The following NEO1 variants were observed in gnomAD, a reference collection of about 807,000 sequenced individuals.
NEO1 encodes the protein neogenin 1.
In NEO1, 63 loss-of-function variants were observed where a neutral mutation model predicts 159.7. That is an observed-to-expected ratio of 0.39 (90% confidence interval 0.32 to 0.49). The LOEUF (loss-of-function observed/expected upper bound fraction) is 0.49, where lower values mean the gene tolerates loss of function less well. Among genes scored for constraint, NEO1 ranks in the 20% least tolerant of loss-of-function variants. The pLI is 0.85. For missense variants in NEO1, 1,615 were observed against 1,831.0 expected, an observed-to-expected ratio of 0.88 and a Z score of 2.15; for synonymous variants, 633 against 662.0, an observed-to-expected ratio of 0.96 and a Z score of 0.67.
At position 73,249,689 on chromosome 15, in the gene NEO1, C is replaced by T; in HGVS notation, c.1862C>T (p.Thr621Ile). Residue 621 changes from threonine (T) to isoleucine (I), a missense_variant, in exon 11 of 29, where the codon ACA (threonine) becomes ATA (isoleucine). Thr to Ile is a moderately conservative substitution (Grantham distance 89). Around this residue, in one of 3 missense-constraint regions of NEO1, gnomAD observed 1,018 missense variants for 1,115.4 expected, o/e 0.91. Transcript: ENST00000261908. ...AATAAACATGGTCCTGGAGTTTCCA[C>T]ACCAGATGTTGCTGTTCGAACATTG... is the stretch of plus-strand genomic sequence containing the variant. Reference protein sequence around the residue: ...AYNKHGPGVSTPDVAVRTLSD... With the variant: ...AYNKHGPGVSIPDVAVRTLSD... 1 of 1,612,998 alleles carries T rather than the reference C, an allele frequency of 6.2e-7. No homozygotes were observed. Among genetic ancestry groups the T allele is most frequent in the Non-Finnish European group, 8.5e-7 (1 of 1,179,714 alleles).
chr15:73,245,592 T>G (rs1272058432), intron 9 of NEO1, among the ~76,000 whole-genome samples: 6 of 151,648 alleles, frequency 4.0e-5, no homozygotes, highest in Non-Finnish European at 7.4e-5. Flanking sequence ...TTTTTTTTTT[T>G]GAGGCGGAGT....
chr15:73,232,549 C>T (rs1048043665), intron 7 of NEO1, among the ~76,000 whole-genome samples: 1 of 152,228 alleles, frequency 6.6e-6, no homozygotes, highest in African/African-American at 2.4e-5. Flanking sequence ...AACACACACA[C>T]ACAGGTTTCA....
intron 11 of NEO1, among the ~76,000 whole-genome samples, chr15:73,251,272 A>C (rs546792151): frequency 6.6e-6 from 1 of 152,216 alleles, no homozygotes; most frequent in East Asian, 1.9e-4. Flanking sequence ...GCACTTTGGG[A>C]GGCCAAGTCG....
At chr15:73,267,873 C>G (rs1225880224) in intron 16 of NEO1, among the ~76,000 whole-genome samples, 2 of 152,170 alleles carry the variant, frequency 1.3e-5, no homozygotes, top group Non-Finnish European at 2.9e-5. Flanking sequence ...AATTTATTTT[C>G]GGAAATGTTC....
At chr15:73,141,712 T>C (rs1299042655) in intron 5 of NEO1, among the ~76,000 whole-genome samples, 1 of 152,238 alleles carries the variant, frequency 6.6e-6, no homozygotes, top group Non-Finnish European at 1.5e-5. Context: ...ACTCTTCTGC[T>C]CTACTCTTAT....
chr15:73,057,871 TTTAA>T (rs2067786847), intron 1 of NEO1, among the ~76,000 whole-genome samples: 1 of 152,192 alleles, frequency 6.6e-6, no homozygotes, highest in Non-Finnish European at 1.5e-5. Flanking sequence ...TAAAAACTTA[TTTAA>T]AAATACATAA....
chr15:73,114,522 G>A (rs973362778), intron 1 of NEO1, among the ~76,000 whole-genome samples: 2 of 152,134 alleles, frequency 1.3e-5, no homozygotes, highest in African/African-American at 4.8e-5. Flanking sequence ...TCCTTTGAGT[G>A]TAATTCACTC....
At chr15:73,087,260 A>G (rs954202606) in intron 1 of NEO1, among the ~76,000 whole-genome samples, 1 of 152,220 alleles carries the variant, frequency 6.6e-6, no homozygotes, top group South Asian at 2.1e-4. Flanking sequence ...TGATAAGATC[A>G]TGTGGTTTTC....
At position 73,303,781 on chromosome 15, in the gene NEO1, GC is replaced by G. The variant is rs2042700218; in HGVS notation, c.*1087del. On this transcript the variant is annotated 3_prime_UTR_variant, in exon 29 of 29. Coordinates refer to ENST00000261908, the MANE Select transcript of NEO1 (RefSeq NM_002499.4). ...GGAGCCAGATGTTGTATTTCTAACT[GC>G]CTGAGTCACACAGAATAGGGTAAGA... 1 of 152,212 alleles carries G rather than the reference GC, an allele frequency of 6.6e-6. No homozygotes were observed. The highest frequency in any genetic ancestry group is 6.5e-5 in the Admixed American group (1 of 15,278). The allele number at this position is 152,212 out of a possible 1,614,324, so 9.4% of individuals were successfully genotyped here. A position where few individuals can be genotyped will look rare whatever the true frequency, so the allele number is the denominator to read the frequency against.
At position 73,254,716 on chromosome 15, in the gene NEO1, C is replaced by G. The variant is rs2040252372; in HGVS notation, c.1979C>G (p.Ala660Gly). The G allele has an allele frequency of 6.2e-7, 1 of 1,613,842 alleles. No individual in the cohort carries two copies. The highest frequency in any genetic ancestry group is 8.5e-7 in the Non-Finnish European group (1 of 1,179,892). Reference protein sequence around the residue: ...IMIHWQPPAPATQNGQITGYK... With the variant: ...IMIHWQPPAPGTQNGQITGYK... ...ATTCACTGGCAGCCACCTGCTCCAG[C>G]CACACAAAATGGGCAGATTACTGGC... Residue 660 changes from alanine to glycine, a missense_variant, in exon 13 of 29, where the codon GCC (alanine) becomes GGC (glycine). By Grantham distance (60) the Ala-to-Gly change is moderately conservative. Around this residue, in one of 3 missense-constraint regions of NEO1, gnomAD observed 1,018 missense variants for 1,115.4 expected, o/e 0.91. Transcript: ENST00000261908.
rs1200094451 is a variant in NEO1 at position 73,175,988 on chromosome 15, TCTTA to T, written c.1016-410_1016-407del. ...GTTTATTTTACTTTGTTGTTGTTGTTCTTACTTATCAAGCTGACTGAAAAGGAAA... is the reference window on the plus strand; with the variant it reads ...GTTTATTTTACTTTGTTGTTGTTGTTCTTATCAAGCTGACTGAAAAGGAAA... On this transcript the variant is annotated intron_variant, in intron 5 of 28. Transcript: ENST00000261908. Among the ~76,000 whole-genome samples, 4 of 152,178 alleles carry T rather than the reference TCTTA, an allele frequency of 2.6e-5. No homozygotes were observed. The East Asian group carries it at 7.7e-4, about 29-fold the overall frequency.
At chr15:73,167,342 C>A (rs1460581936) in intron 5 of NEO1, among the ~76,000 whole-genome samples, 1 of 151,386 alleles carries the variant, frequency 6.6e-6, no homozygotes, top group Non-Finnish European at 1.5e-5. Flanking sequence ...CTCTAACTTC[C>A]TTGGCTATTG....
intron 7 of NEO1, among the ~76,000 whole-genome samples, chr15:73,209,725 C>T (rs765617254): frequency 6.6e-6 from 1 of 152,160 alleles, no homozygotes; most frequent in Non-Finnish European, 1.5e-5. Context: ...GGCACGGTGG[C>T]TCACGCCTGT....
At chr15:73,171,128 T>C (rs2034934681) in intron 5 of NEO1, among the ~76,000 whole-genome samples, 1 of 152,010 alleles carries the variant, frequency 6.6e-6, no homozygotes, top group African/African-American at 2.4e-5. Context: ...GAAAACCTTA[T>C]ATTACAAATG....
chr15:73,272,663 G>A, intron 19 of NEO1, 101 bp downstream of exon 19: 1 of 840,582 alleles, frequency 1.2e-6, no homozygotes, highest in South Asian at 1.6e-5. Flanking sequence ...GAGTCTGAAG[G>A]CTGGCTTGGT....
intron 5 of NEO1, among the ~76,000 whole-genome samples, chr15:73,148,210 G>C (rs981299204): frequency 5.3e-5 from 8 of 152,152 alleles, no homozygotes; most frequent in African/African-American, 1.9e-4. Context: ...CTTTGGTTAA[G>C]AGAACCATGA....
intron 1 of NEO1, among the ~76,000 whole-genome samples, chr15:73,072,846 TG>T (rs2068599312): frequency 6.6e-6 from 1 of 152,044 alleles, no homozygotes; most frequent in South Asian, 2.1e-4. Flanking sequence ...GATATTTAGA[TG>T]ATAAAGTAGA....
At chr15:73,150,847 A>G (rs550052452) in intron 5 of NEO1, among the ~76,000 whole-genome samples, 5 of 152,160 alleles carry the variant, frequency 3.3e-5, no homozygotes, top group Non-Finnish European at 4.4e-5. Flanking sequence ...ATTCCCCACT[A>G]TAAATTAGTT....
intron 26 of NEO1, among the ~76,000 whole-genome samples, chr15:73,294,819 C>T (rs982605524): frequency 3.9e-5 from 6 of 152,008 alleles, no homozygotes; most frequent in Non-Finnish European, 7.4e-5. Flanking sequence ...AAATTACAGG[C>T]GTGAGCTACC....
Sources: gnomAD v4.1 joint callset for allele counts (sites outside exome capture counted in the v4.1 genomes callset) on GRCh38, gnomAD v4.1.1 for gene constraint, gnomAD v4.1.1 regional missense constraint, MANE v1.5 for transcripts, NCBI Gene and HGNC (gene_info 2026-07-23, HGNC 2026-07-21) for gene names.